Variants in CLDN19 observed in about 807,000 individuals in gnomAD.
CLDN19 encodes claudin 19, also known as claudin-19.
In CLDN19, 19 loss-of-function variants were observed where a neutral mutation model predicts 24.5. The observed-to-expected ratio is 0.78, with a 90% CI of 0.54 to 1.14. The LOEUF is 1.14. Among genes scored for constraint, CLDN19 ranks in the 50% most tolerant of loss-of-function variants. The pLI, the probability that CLDN19 is intolerant of heterozygous loss-of-function variation, is 0.00. For synonymous variants in CLDN19, 117 were observed against 129.6 expected, an observed-to-expected ratio of 0.90 and a Z score of 0.66; for missense variants, 250 against 295.9, an observed-to-expected ratio of 0.84 and a Z score of 1.14.
Position 42,733,120 on chromosome 1 carries a change from G to T in CLDN19, c.*1966C>A, listed in dbSNP as rs188969705. On this transcript the variant is annotated 3_prime_UTR_variant, in exon 5 of 5. Transcript: ENST00000296387. ...GATGGAGTCTTGCTCTGTCATCCAG[G>T]ATGGTGTGCAGTGGCACGATCTTGG... The T allele has an allele frequency of 7.0e-6, 1 of 142,200 alleles. No homozygotes were observed. Among genetic ancestry groups the T allele is most frequent in the Admixed American group, 7.2e-5 (1 of 13,966 alleles). The allele number at this position is 142,200 out of a possible 1,614,324, so 8.8% of individuals were successfully genotyped here.
rs535667246 is a variant in CLDN19, at chr1:42,735,109, C to A, written c.652G>T (p.Ala218Ser). Reference protein sequence around the residue: ...REPVVKLPASAKGPLGV With the variant: ...REPVVKLPASSKGPLGV The stretch of plus-strand genomic sequence containing the variant: ...CATTACACACCCAGGGGGCCCTTGG[C>A]GGAGGCGGGCAATTTAACAACTGGT... The change falls in exon 5 of 5, where the codon GCC becomes TCC. Residue 218 changes from alanine (A) to serine (S), a missense_variant. Transcript: ENST00000296387. 7.4e-6 allele frequency: 12 copies of A among 1,613,856 alleles called. No homozygotes were observed. The highest frequency in any genetic ancestry group is 7.6e-6 in the Non-Finnish European group (9 of 1,179,834).
At position 42,736,169 on chromosome 1, in the gene CLDN19, T is replaced by C; in HGVS notation, c.474-139A>G. ...AACCTCTTCCATATCTCCAGATAAATTGAGGTGAATGCTCTTCCTTTCTCC... is the reference window on the plus strand; with the variant it reads ...AACCTCTTCCATATCTCCAGATAAACTGAGGTGAATGCTCTTCCTTTCTCC... On this transcript the variant is annotated intron_variant, in intron 3 of 4. Transcript: ENST00000296387. The C allele has an allele frequency of 1.3e-5, 8 of 626,568 alleles. No individual in the cohort carries two copies. In the East Asian group the frequency reaches 1.9e-4, roughly 15 times the overall value. 38.8% of individuals were successfully genotyped at this position (626,568 alleles called of 1,614,324 possible). A position where few individuals can be genotyped will look rare whatever the true frequency, so the allele number is the denominator to read the frequency against.
At position 42,738,411 on chromosome 1, in the gene CLDN19, G is replaced by A. The variant is rs777618183; in HGVS notation, c.388+10C>T. The A allele has an allele frequency of 1.9e-6, 3 of 1,613,872 alleles. No homozygotes were observed. The South Asian group carries it at 3.3e-5, about 18-fold the overall frequency. ...ATGGTTGTGATTGTGCAGGAGTGAG[G>A]GGCACTCACCTGCCAGGATGAAGAG... On this transcript the variant is annotated intron_variant, in intron 2 of 4. Transcript: ENST00000296387.
At chr1:42,738,847 G>A (rs773078712) in intron 1 of CLDN19, among the ~76,000 whole-genome samples, 1 of 152,150 alleles carries the variant, frequency 6.6e-6, no homozygotes, top group Non-Finnish European at 1.5e-5. Flanking sequence ...GATTCACTCT[G>A]CTGTTGCTTT....
chr1:42,735,270 C>A, intron 4 of CLDN19, 136 bp from the exon 5 acceptor site: 3 of 1,539,870 alleles, frequency 1.9e-6, no homozygotes, highest in Non-Finnish European at 2.6e-6. Flanking sequence ...CTGCCTGGGG[C>A]CCATTCCCGG....
rs2124050794 is a variant in CLDN19 at position 42,740,034 on chromosome 1, G to A, written c.30C>T (p.Gly10=). The change falls in exon 1 of 5, where the codon GGC becomes GGT. Residue 10 remains glycine, a synonymous_variant. Transcript: ENST00000296387. MANSGLQLL[G]YFLALGGWVG... ...CCCAGCCACCCAGGGCCAAGAAGTAGCCCAGGAGCTGGAGGCCTGAGTTGG... is the reference window on the plus strand; with the variant it reads ...CCCAGCCACCCAGGGCCAAGAAGTAACCCAGGAGCTGGAGGCCTGAGTTGG... 1.9e-6 allele frequency: 3 copies of A among 1,561,156 alleles called. No homozygotes were observed. The highest frequency in any genetic ancestry group is 2.6e-6 in the Non-Finnish European group (3 of 1,152,188).
intron 3 of CLDN19, among the ~76,000 whole-genome samples, chr1:42,736,697 G>A (rs1436473213): frequency 6.6e-6 from 1 of 152,086 alleles, no homozygotes; most frequent in Non-Finnish European, 1.5e-5. Flanking sequence ...CGCCCCTTGC[G>A]CCGACTCCAC....
At chr1:42,735,841 TGG>T in intron 4 of CLDN19, 35 bp downstream of exon 4, 3 of 1,559,602 alleles carry the variant, frequency 1.9e-6, no homozygotes, top group Non-Finnish European at 2.6e-6. Context: ...GGCCACTGGG[TGG>T]GGGGCTGGCC....
rs539643806 is a variant in CLDN19, at chr1:42,739,857, C to T, written c.207G>A (p.Ser69=). 31 of 1,612,920 alleles carry T rather than the reference C, an allele frequency of 1.9e-5. No individual in the cohort carries two copies. The Admixed American group carries it at 3.0e-4, about 16-fold the overall frequency. ...GGGGCCTACCGTCCAGGGCGAGCAG[C>T]GAGTCGTAGAGCTTGCACTGCACTT... is the stretch of plus-strand genomic sequence containing the variant. The part of the protein sequence containing the change: ...TGQVQCKLYD[S]LLALDGHIQS... The change falls in exon 1 of 5, where the codon TCG becomes TCA. Residue 69 remains serine, a synonymous_variant. Transcript: ENST00000296387.
chr1:42,735,521 G>A, intron 4 of CLDN19: 2 of 1,414,956 alleles, frequency 1.4e-6, no homozygotes, highest in Non-Finnish European at 1.8e-6. Context: ...CTATCTCTAG[G>A]GCCCAGCACG....
chr1:42,735,095 CA>C lies in CLDN19; in HGVS notation c.665del (p.Leu222ArgfsTer66). The C allele has an allele frequency of 1.9e-6, 3 of 1,612,120 alleles. No homozygotes were observed. Among genetic ancestry groups the C allele is most frequent in the Non-Finnish European group, 2.5e-6 (3 of 1,178,236 alleles). On this transcript the variant is annotated frameshift_variant, in exon 5 of 5. Transcript: ENST00000296387. LOFTEE classifies it high-confidence loss of function. ...GGCTGGGGACTGGACATTACACACC[CA>C]GGGGGCCCTTGGCGGAGGCGGGCAA... Reference protein sequence around the residue: ...VKLPASAKGPLGV With the variant: ...VKLPASAKGPXGV
intron 1 of CLDN19, among the ~76,000 whole-genome samples, chr1:42,739,108 A>G (rs1211020882): frequency 6.6e-6 from 1 of 152,182 alleles, no homozygotes; most frequent in Non-Finnish European, 1.5e-5. Context: ...GGGGGTGCTC[A>G]GGAGACCTGG....
intron 1 of CLDN19, 41 bp downstream of exon 1, chr1:42,739,800 T>C: frequency 6.4e-7 from 1 of 1,567,066 alleles, no homozygotes. Context: ...TCCCCTGCTG[T>C]TCCCACCTCC....
rs1402626520 is a variant in CLDN19 at position 42,739,906 on chromosome 1, G to A, written c.158C>T (p.Ser53Phe). The A allele has an allele frequency of 2.5e-6, 4 of 1,612,874 alleles. No homozygotes were observed. Among genetic ancestry groups the A allele is most frequent in the Admixed American group, 3.3e-5 (2 of 59,952 alleles). The part of the protein sequence containing the change: ...AVGLYEGLWM[S>F]CASQSTGQVQ... ...TTGCCCAGTGCTCTGGGAGGCGCAG[G>A]ACATCCAGAGCCCTTCATAGAGGCC... Residue 53 changes from serine to phenylalanine, a missense_variant, in exon 1 of 5, where the codon TCC becomes TTC. By Grantham distance (155) the Ser-to-Phe change is radical. Coordinates refer to ENST00000296387, the MANE Select transcript of CLDN19 (RefSeq NM_148960.3).
At chr1:42,736,196 T>TC (rs201065122) in intron 3 of CLDN19, among the ~76,000 whole-genome samples, 166 bp from the exon 4 acceptor site, 5 of 151,352 alleles carry the variant, frequency 3.3e-5, no homozygotes, top group East Asian at 3.9e-4. Flanking sequence ...CCTTTCTCCC[T>TC]CCCCCCCAGC....
intron 2 of CLDN19, 44 bp from the exon 3 acceptor site, chr1:42,738,357 C>G (rs755286191): frequency 6.2e-7 from 1 of 1,612,904 alleles, no homozygotes; most frequent in East Asian, 2.2e-5. Context: ...TCTGGCCCCC[C>G]GAGGCCACTG....
intron 2 of CLDN19, 38 bp from the exon 3 acceptor site, chr1:42,738,351 GCCC>G (rs766222755): frequency 6.2e-7 from 1 of 1,612,788 alleles, no homozygotes. Flanking sequence ...CTCTGCTCTG[GCCC>G]CCCGAGGCCA....
Position 42,735,126 on chromosome 1 carries a change from A to G in CLDN19, c.635T>C (p.Val212Ala), listed in dbSNP as rs1651315592. The change falls in exon 5 of 5, where the codon GTT (valine) becomes GCT (alanine). Residue 212 changes from valine to alanine, a missense_variant. By Grantham distance (64) the Val-to-Ala change is moderately conservative. Transcript: ENST00000296387. ...GPSAAAREPV[V>A]KLPASAKGPL... The stretch of plus-strand genomic sequence containing the variant: ...GCCCTTGGCGGAGGCGGGCAATTTA[A>G]CAACTGGTCTGAAAGTCAAAAGAGA... 1 of 1,613,940 alleles carries G rather than the reference A, an allele frequency of 6.2e-7. No individual in the cohort carries two copies. The highest frequency in any genetic ancestry group is 1.7e-5 in the Admixed American group (1 of 60,002).
chr1:42,739,699 G>A (rs778242311), intron 1 of CLDN19, 142 bp downstream of exon 1: 1 of 760,992 alleles, frequency 1.3e-6, no homozygotes, highest in Non-Finnish European at 2.2e-6. Context: ...CCGTCAATGG[G>A]CACAGGGCAG....
Sources: allele counts gnomAD v4.1 joint callset (sites outside exome capture counted in the v4.1 genomes callset), GRCh38; gene constraint gnomAD v4.1.1; transcripts MANE v1.5; gene names NCBI Gene and HGNC (gene_info 2026-07-23, HGNC 2026-07-21).